The following SYT1 variants were observed in gnomAD, a reference collection of about 807,000 sequenced individuals.
SYT1 encodes the protein synaptotagmin 1.
A neutral mutation model predicts 44.8 loss-of-function variants in SYT1; 8 were observed. That is an observed-to-expected ratio of 0.18 (90% confidence interval 0.10 to 0.32). The LOEUF (loss-of-function observed/expected upper bound fraction) is 0.32. Ranked by LOEUF, SYT1 falls within the 10% of genes least tolerant of loss-of-function variation. SYT1 has a pLI of 1.00. For synonymous variants in SYT1, 154 were observed against 188.8 expected (o/e 0.82, Z 1.51); for missense variants, 286 against 509.3 (o/e 0.56, Z 4.22).
intron 1 of SYT1, among the ~76,000 whole-genome samples, chr12:78,905,304 T>A (rs1408099563): frequency 6.6e-6 from 1 of 152,114 alleles, no homozygotes; most frequent in African/African-American, 2.4e-5. Flanking sequence ...CCTACACACT[T>A]CCACATAACA....
chr12:79,076,085 C>T (rs932951280), intron 3 of SYT1, among the ~76,000 whole-genome samples: 7 of 152,000 alleles, frequency 4.6e-5, no homozygotes, highest in African/African-American at 1.2e-4. Flanking sequence ...AGCAAAGGAA[C>T]GGGGAAACCT....
intron 8 of SYT1, among the ~76,000 whole-genome samples, chr12:79,301,564 A>C (rs528927120): frequency 3.9e-5 from 6 of 152,272 alleles, no homozygotes; most frequent in African/African-American, 1.4e-4. Context: ...TGAAGTACCC[A>C]GCATAGAGTC....
chr12:79,354,495 G>A (rs994618543), intron 9 of SYT1, among the ~76,000 whole-genome samples: 1 of 152,090 alleles, frequency 6.6e-6, no homozygotes, highest in African/African-American at 2.4e-5. Flanking sequence ...AGGCAGCATG[G>A]TGATTTTTTA....
intron 7 of SYT1, among the ~76,000 whole-genome samples, chr12:79,298,222 ATT>A (rs1287485086): frequency 1.3e-5 from 2 of 152,098 alleles, no homozygotes; most frequent in African/African-American, 4.8e-5. Flanking sequence ...ACTCTAAAAA[ATT>A]TTGTTTCTTT....
chr12:79,285,706 A>T (rs1592930754), intron 4 of SYT1, 81 bp from the exon 5 acceptor site: 2 of 1,084,290 alleles, frequency 1.8e-6, no homozygotes, highest in South Asian at 3.2e-5. Flanking sequence ...GAAAAAAATG[A>T]ATATCTTTAT....
At chr12:79,198,461 A>T (rs1404233573) in intron 3 of SYT1, among the ~76,000 whole-genome samples, 1 of 152,022 alleles carries the variant, frequency 6.6e-6, no homozygotes, top group African/African-American at 2.4e-5. Flanking sequence ...TCTAAAAGGC[A>T]TTGATTTGGG....
intron 1 of SYT1, among the ~76,000 whole-genome samples, chr12:78,973,339 T>G (rs1868510248): frequency 6.6e-6 from 1 of 152,192 alleles, no homozygotes; most frequent in Non-Finnish European, 1.5e-5. Context: ...GTACAGTAGA[T>G]CTCCTGAACT....
chr12:79,301,377 G>C lies in SYT1; in HGVS notation c.810+1826G>C, dbSNP rs57994617. On this transcript the variant is annotated intron_variant, in intron 8 of 10. Transcript: ENST00000261205. ...TAAGGGAATGTGGACCATTGAGCAA[G>C]TTTCCTCTTTCAGAAATCTTTGAGT... 3.8e-3 allele frequency among the ~76,000 whole-genome samples: 586 copies of C among 152,262 alleles called. 7 individuals carry two copies. Among genetic ancestry groups the C allele is most frequent in the African/African-American group, 0.014 (570 of 41,542 alleles).
intron 4 of SYT1, among the ~76,000 whole-genome samples, chr12:79,254,274 C>T (rs768148397): frequency 6.6e-6 from 1 of 152,138 alleles, no homozygotes; most frequent in African/African-American, 2.4e-5. Flanking sequence ...TTTTACAGCC[C>T]TTAAGAATGA....
chr12:78,965,905 C>G (rs1469400022), intron 1 of SYT1, among the ~76,000 whole-genome samples: 1 of 151,782 alleles, frequency 6.6e-6, no homozygotes, highest in Non-Finnish European at 1.5e-5. Flanking sequence ...GTTGAAACCC[C>G]GTCTCTACTA....
intron 2 of SYT1, among the ~76,000 whole-genome samples, chr12:79,029,531 G>A (rs1319048803): frequency 2.6e-5 from 4 of 151,048 alleles, no homozygotes; most frequent in Non-Finnish European, 5.9e-5. Flanking sequence ...AGAAATATTT[G>A]CAACTTCTGA....
At chr12:79,284,524 G>A (rs898698885) in intron 4 of SYT1, among the ~76,000 whole-genome samples, 1 of 151,890 alleles carries the variant, frequency 6.6e-6, no homozygotes, top group Admixed American at 6.6e-5. Context: ...TACCCACCAT[G>A]CCTTGACTAT....
chr12:79,372,254 G>T (rs368153966), intron 9 of SYT1, among the ~76,000 whole-genome samples: 10 of 151,962 alleles, frequency 6.6e-5, no homozygotes, highest in African/African-American at 2.2e-4. Flanking sequence ...TAAATTAAAT[G>T]AAAACTCGAA....
intron 1 of SYT1, among the ~76,000 whole-genome samples, chr12:78,885,489 G>A (rs1362705933): frequency 1.3e-5 from 2 of 151,966 alleles, no homozygotes; most frequent in East Asian, 3.9e-4. Context: ...AGAGAGTAGA[G>A]AGTGCCAAGT....
At chr12:78,971,995 A>G (rs527924186) in intron 1 of SYT1, among the ~76,000 whole-genome samples, 1 of 152,302 alleles carries the variant, frequency 6.6e-6, no homozygotes, top group East Asian at 1.9e-4. Flanking sequence ...TAAAGTTCCT[A>G]TTAATAGGTA....
intron 1 of SYT1, among the ~76,000 whole-genome samples, chr12:78,946,004 T>C (rs1315634847): frequency 1.3e-5 from 2 of 152,118 alleles, no homozygotes; most frequent in African/African-American, 4.8e-5. Context: ...CAAAGAAAAA[T>C]TCAGGACCTT....
intron 2 of SYT1, among the ~76,000 whole-genome samples, chr12:78,990,242 C>G (rs1326951894): frequency 6.6e-6 from 1 of 152,062 alleles, no homozygotes; most frequent in Non-Finnish European, 1.5e-5. Flanking sequence ...TTCTGAGACT[C>G]TCCGATATAC....
chr12:79,307,318 ATGATTAAATTCT>A (rs1880444524), intron 8 of SYT1, among the ~76,000 whole-genome samples: 2 of 152,250 alleles, frequency 1.3e-5, no homozygotes, highest in South Asian at 4.1e-4. Context: ...TGCTTTAAAC[ATGATTAAATTCT>A]TGCCAATTAT....
chr12:79,182,978 A>G (rs958966287), intron 3 of SYT1, among the ~76,000 whole-genome samples: 1 of 152,086 alleles, frequency 6.6e-6, no homozygotes, highest in Non-Finnish European at 1.5e-5. Flanking sequence ...GGTCCTTGTA[A>G]TAATCGTTCA....
Sources: gnomAD v4.1 joint callset for allele counts (sites outside exome capture counted in the v4.1 genomes callset) on GRCh38, gnomAD v4.1.1 for gene constraint, MANE v1.5 for transcripts, NCBI Gene and HGNC (gene_info 2026-07-23, HGNC 2026-07-21) for gene names.